The following SHB variants were observed in gnomAD, a reference collection of about 807,000 sequenced individuals.
SHB encodes SH2 domain-containing adapter protein B.
In SHB, 20 loss-of-function variants were observed where a neutral mutation model predicts 52.3. That is an observed-to-expected ratio of 0.38 (90% CI 0.27 to 0.56). The LOEUF (loss-of-function observed/expected upper bound fraction) is 0.56, where lower values mean the gene tolerates loss of function less well. Among genes scored for constraint, SHB ranks in the 20% least tolerant of loss-of-function variants. SHB has a pLI of 0.71. For synonymous variants in SHB, 397 were observed against 316.5 expected (o/e 1.25, Z -2.70); for missense variants, 825 against 723.3 (o/e 1.14, Z -1.61).
chr9:38,043,153 C>T (rs1434737250), intron 1 of SHB, among the ~76,000 whole-genome samples: 1 of 152,164 alleles, frequency 6.6e-6, no homozygotes, highest in African/African-American at 2.4e-5. Flanking sequence ...GATTACTCTC[C>T]CAGAATCAAT....
At chr9:37,948,062 G>C (rs1347957539) in intron 5 of SHB, among the ~76,000 whole-genome samples, 1 of 152,232 alleles carries the variant, frequency 6.6e-6, no homozygotes, top group East Asian at 1.9e-4. Flanking sequence ...AGACCTGAAA[G>C]TTTCCAAAGC....
chr9:37,928,005 G>A (rs1398040009), intron 5 of SHB, among the ~76,000 whole-genome samples: 1 of 151,182 alleles, frequency 6.6e-6, no homozygotes, highest in Admixed American at 6.6e-5. Context: ...GAAGGCCTGT[G>A]TGTCGGAAAT....
chr9:38,036,622 C>T lies in SHB; in HGVS notation c.718-20491G>A, dbSNP rs141369815. 2.5e-3 allele frequency among the ~76,000 whole-genome samples: 386 copies of T among 152,298 alleles called. 3 individuals are homozygous for T. The highest frequency in any genetic ancestry group is 0.01 in the East Asian group (54 of 5,176). ...AGACAGGGCAGACCCAGGCATCCCC[C>T]GCCTAGCAGGAGCTCTGCTAGTGGA... On this transcript the variant is annotated intron_variant, in intron 1 of 5. Coordinates refer to ENST00000377707, the MANE Select transcript of SHB (RefSeq NM_003028.3).
chr9:38,001,066 T>A (rs1329120958), intron 2 of SHB, among the ~76,000 whole-genome samples: 1 of 152,240 alleles, frequency 6.6e-6, no homozygotes, highest in Non-Finnish European at 1.5e-5. Flanking sequence ...TCTTCCTTTT[T>A]TCTTTATTTT....
intron 4 of SHB, among the ~76,000 whole-genome samples, chr9:37,949,036 T>A (rs1251700301): frequency 3.3e-5 from 5 of 152,082 alleles, no homozygotes; most frequent in Non-Finnish European, 7.4e-5. Context: ...ACAGGCATCA[T>A]GGAGATGAAG....
intron 2 of SHB, among the ~76,000 whole-genome samples, chr9:37,995,532 C>T (rs919744690): frequency 6.6e-6 from 1 of 152,246 alleles, no homozygotes; most frequent in Non-Finnish European, 1.5e-5. Context: ...TGCTCCAAGC[C>T]TGGGGAGCAC....
chr9:37,958,369 C>G (rs1832658989), intron 3 of SHB, among the ~76,000 whole-genome samples: 1 of 152,164 alleles, frequency 6.6e-6, no homozygotes, highest in Non-Finnish European at 1.5e-5. Context: ...TACTGGTGAC[C>G]ACAGGCTGTT....
At chr9:37,980,900 T>TG (rs113747101) in intron 2 of SHB, among the ~76,000 whole-genome samples, 86,487 of 151,524 alleles carry the variant, frequency 0.57, 25,034 homozygotes, top group East Asian at 0.77. Context: ...CTTTTTTTCC[T>TG]TAAAGTTGGT....
intron 3 of SHB, among the ~76,000 whole-genome samples, chr9:37,974,083 C>T (rs1413723985): frequency 2.0e-5 from 3 of 152,014 alleles, no homozygotes; most frequent in African/African-American, 4.8e-5. Flanking sequence ...AGTGAAACCC[C>T]GTCTCTACTA....
At chr9:37,925,324 T>C (rs1252582300) in intron 5 of SHB, among the ~76,000 whole-genome samples, 2 of 152,108 alleles carry the variant, frequency 1.3e-5, no homozygotes, top group East Asian at 3.9e-4. Flanking sequence ...CTTTCTCCAG[T>C]CAGCAACAGT....
intron 1 of SHB, among the ~76,000 whole-genome samples, chr9:38,051,722 C>T (rs1564111106): frequency 1.3e-5 from 2 of 152,174 alleles, no homozygotes; most frequent in African/African-American, 2.4e-5. Context: ...TGACTGATGG[C>T]AACATTATTC....
chr9:38,063,914 T>C (rs923409618), intron 1 of SHB, among the ~76,000 whole-genome samples: 3 of 151,966 alleles, frequency 2.0e-5, no homozygotes, highest in Non-Finnish European at 4.4e-5. Context: ...TACACATTAG[T>C]ATGTATTTAA....
At chr9:38,065,670 G>A (rs975073356) in intron 1 of SHB, among the ~76,000 whole-genome samples, 4 of 152,140 alleles carry the variant, frequency 2.6e-5, no homozygotes, top group East Asian at 3.9e-4. Flanking sequence ...CAAAGGTCTC[G>A]CAGTCACAAC....
chr9:38,068,336 G>C lies in SHB; in HGVS notation c.310C>G (p.Arg104Gly), dbSNP rs1221465095. 1 of 1,546,092 alleles carries C rather than the reference G, an allele frequency of 6.5e-7. No homozygotes were observed. The highest frequency in any genetic ancestry group is 8.7e-7 in the Non-Finnish European group (1 of 1,151,440). The change falls in exon 1 of 6, where the codon CGC becomes GGC. Residue 104 changes from arginine (R) to glycine (G), a missense_variant. By Grantham distance (125) the Arg-to-Gly change is moderately radical. Coordinates refer to ENST00000377707, the MANE Select transcript of SHB (RefSeq NM_003028.3). ...DPYNGPGSSLRKLRAMCRLDY... is the reference protein window; with the variant it reads ...DPYNGPGSSLGKLRAMCRLDY... ...AGGCGGCACATGGCGCGCAGTTTGC[G>C]CAGCGACGAGCCAGGCCCGTTGTAG...
At chr9:37,931,285 A>G (rs1010241050) in intron 5 of SHB, among the ~76,000 whole-genome samples, 1 of 152,222 alleles carries the variant, frequency 6.6e-6, no homozygotes, top group African/African-American at 2.4e-5. Flanking sequence ...AAAGGAGACA[A>G]TAAGATGAAA....
rs1204272175 is a variant in SHB at position 37,949,402 on chromosome 9, A to AAG, written c.1227-649_1227-648insCT. On this transcript the variant is annotated intron_variant, in intron 4 of 5. Transcript: ENST00000377707. Reference sequence around the variant, plus strand: ...AGCAAGACTCCATCTCAAAAAAAAAAAAAAAAAAGAAAAAGAAAAAAGAAA... The same window carrying AAG: ...AGCAAGACTCCATCTCAAAAAAAAAAAGAAAAAAAAGAAAAAGAAAAAAGAAA... Among the ~76,000 whole-genome samples, 6 of 151,876 alleles carry AAG rather than the reference A, an allele frequency of 4.0e-5. No homozygotes were observed. The East Asian group carries it at 9.7e-4, about 24-fold the overall frequency.
Position 37,917,572 on chromosome 9 carries a change from C to G in SHB, c.*2249G>C, listed in dbSNP as rs1307690869. ...CTCCCCCGCCGGAGGGTTGTTCCCC[C>G]TCTTCCTCAGCCTCTCTTGGGCCTC... On this transcript the variant is annotated 3_prime_UTR_variant, in exon 6 of 6. Coordinates refer to ENST00000377707, the MANE Select transcript of SHB (RefSeq NM_003028.3). 6.6e-6 allele frequency among the ~76,000 whole-genome samples: 1 copy of G among 152,222 alleles called. No individual in the cohort carries two copies. The highest frequency in any genetic ancestry group is 2.4e-5 in the African/African-American group (1 of 41,460).
At chr9:37,951,732 A>G (rs756239852) in intron 4 of SHB, among the ~76,000 whole-genome samples, 3 of 152,340 alleles carry the variant, frequency 2.0e-5, no homozygotes, top group Non-Finnish European at 4.4e-5. Flanking sequence ...AGGATAAGCT[A>G]CCAGTCCCTT....
chr9:37,960,898 C>T (rs538136451), intron 3 of SHB, among the ~76,000 whole-genome samples: 1 of 152,300 alleles, frequency 6.6e-6, no homozygotes, highest in Admixed American at 6.5e-5. Flanking sequence ...GAGGGTCAAG[C>T]CCAGGACTGC....
Sources: gnomAD v4.1 joint callset for allele counts (sites outside exome capture counted in the v4.1 genomes callset) on GRCh38, gnomAD v4.1.1 for gene constraint, MANE v1.5 for transcripts, NCBI Gene and HGNC (gene_info 2026-07-23, HGNC 2026-07-21) for gene names.